SYT2: variants seen among roughly 807,000 people sequenced by gnomAD.
The protein encoded by SYT2 is synaptotagmin 2.
Under a neutral mutation model 39.9 loss-of-function variants are expected in SYT2, and 15 were observed. That is an observed-to-expected ratio of 0.38 (90% CI 0.25 to 0.58). The LOEUF (loss-of-function observed/expected upper bound fraction) is 0.58, where lower values mean the gene tolerates loss of function less well. Among genes scored for constraint, SYT2 ranks in the 20% least tolerant of loss-of-function variants. The probability of loss-of-function intolerance (pLI) is 0.70; values close to 1 mark genes in which losing one functional copy is unlikely to be tolerated. For synonymous variants in SYT2, 181 were observed against 204.5 expected (o/e 0.89, Z 0.98); for missense variants, 389 against 530.3 (o/e 0.73, Z 2.62).
At chr1:202,659,255 GT>G (rs1692336557) in intron 1 of SYT2, among the ~76,000 whole-genome samples, 1 of 152,144 alleles carries the variant, frequency 6.6e-6, no homozygotes, top group Non-Finnish European at 1.5e-5. Flanking sequence ...CTGATCTTGG[GT>G]TTCATTTTAA....
intron 1 of SYT2, among the ~76,000 whole-genome samples, chr1:202,669,095 C>G (rs928082278): frequency 6.6e-6 from 1 of 152,232 alleles, no homozygotes; most frequent in Non-Finnish European, 1.5e-5. Flanking sequence ...ATGAAAATAT[C>G]AGTGAGGCTA....
intron 1 of SYT2, among the ~76,000 whole-genome samples, chr1:202,620,997 A>T (rs553752570): frequency 9.2e-5 from 14 of 152,280 alleles, no homozygotes; most frequent in African/African-American, 3.4e-4. Context: ...AGTGAGCATG[A>T]TACCTGTGTA....
intron 1 of SYT2, among the ~76,000 whole-genome samples, chr1:202,702,998 C>T (rs935334006): frequency 6.6e-6 from 1 of 152,194 alleles, no homozygotes; most frequent in Non-Finnish European, 1.5e-5. Context: ...GAAAATGCTT[C>T]CTTTCTACAA....
chr1:202,640,432 T>C (rs1691871158), intron 1 of SYT2, among the ~76,000 whole-genome samples: 1 of 152,184 alleles, frequency 6.6e-6, no homozygotes, highest in African/African-American at 2.4e-5. Context: ...GTCCCGGCCA[T>C]GGGGTCCTGG....
Position 202,596,691 on chromosome 1 carries a change from T to G in SYT2, c.*66A>C. On this transcript the variant is annotated 3_prime_UTR_variant, in exon 9 of 9. Coordinates refer to ENST00000367268, the MANE Select transcript of SYT2 (RefSeq NM_177402.5). ...AAGAAAACCTCTAAGGTTGCATAAC[T>G]GAGGTATTGATAGCTCTGGATCTTG... 1.6e-5 allele frequency: 23 copies of G among 1,429,382 alleles called. No homozygotes were observed. Among genetic ancestry groups the G allele is most frequent in the East Asian group, 2.3e-5 (1 of 43,330 alleles). 88.5% of individuals were successfully genotyped at this position (1,429,382 alleles called of 1,614,324 possible).
intron 1 of SYT2, among the ~76,000 whole-genome samples, chr1:202,609,647 T>G (rs891851828): frequency 3.3e-5 from 5 of 152,258 alleles, no homozygotes; most frequent in Non-Finnish European, 7.3e-5. Context: ...CCAGTGATGA[T>G]GAGCATTTTT....
rs756794314 is a variant in SYT2, at chr1:202,604,511, CCTT to C, written c.286_288del (p.Lys96del). ...GCATTCTTCATGCCTTTGCCCTTCT[CCTT>C]CTTGTTCTTCTTCTTCTTGCAGCAG... On this transcript the variant is annotated inframe_deletion, in exon 3 of 9. Coordinates refer to ENST00000367268, the MANE Select transcript of SYT2 (RefSeq NM_177402.5). 1.2e-6 allele frequency: 2 copies of C among 1,614,238 alleles called. No individual in the cohort carries two copies. Among genetic ancestry groups the C allele is most frequent in the African/African-American group, 1.3e-5 (1 of 75,064 alleles).
chr1:202,601,556 C>T lies in SYT2; in HGVS notation c.801+334G>A, dbSNP rs1032652442. Among the ~76,000 whole-genome samples the T allele has an allele frequency of 6.6e-6, 1 of 152,186 alleles. No homozygotes were observed. Among genetic ancestry groups the T allele is most frequent in the Admixed American group, 6.5e-5 (1 of 15,288 alleles). ...TTGTGGGTGAACTGAGGCACAGAGG[C>T]GTGAATCACTGGCCTTAGGTAATAG... On this transcript the variant is annotated intron_variant, in intron 6 of 8. Coordinates refer to ENST00000367268, the MANE Select transcript of SYT2 (RefSeq NM_177402.5). The surrounding 1 kb of genome is among the most constrained non-coding windows in gnomAD (Gnocchi z 4.0).
chr1:202,673,327 T>G (rs1221347454), intron 1 of SYT2, among the ~76,000 whole-genome samples: 1 of 152,188 alleles, frequency 6.6e-6, no homozygotes, highest in Non-Finnish European at 1.5e-5. Flanking sequence ...AAAAGGTACG[T>G]GAAAATGGAC....
At chr1:202,600,138 T>G (rs1289337350) in intron 7 of SYT2, among the ~76,000 whole-genome samples, 1 of 152,192 alleles carries the variant, frequency 6.6e-6, no homozygotes, top group East Asian at 1.9e-4. Flanking sequence ...TAGCCCACAG[T>G]GCATGGCCAG....
chr1:202,697,932 T>C (rs1170326310), intron 1 of SYT2, among the ~76,000 whole-genome samples: 1 of 152,180 alleles, frequency 6.6e-6, no homozygotes, highest in Non-Finnish European at 1.5e-5. Flanking sequence ...TCACTATTGA[T>C]TTCTTCCTTG....
chr1:202,699,443 T>C (rs1654057766), intron 1 of SYT2, among the ~76,000 whole-genome samples: 1 of 152,212 alleles, frequency 6.6e-6, no homozygotes, highest in Admixed American at 6.5e-5. Context: ...TTCTCTGCAG[T>C]GTGCAGCATG....
At chr1:202,657,359 C>T (rs1012743181) in intron 1 of SYT2, among the ~76,000 whole-genome samples, 3 of 152,202 alleles carry the variant, frequency 2.0e-5, no homozygotes, top group East Asian at 1.9e-4. Flanking sequence ...TCTCCACCTA[C>T]GATTCTCTCT....
Position 202,599,162 on chromosome 1 carries a change from T to C in SYT2, c.1053+56A>G. 1 of 1,601,758 alleles carries C rather than the reference T, an allele frequency of 6.2e-7. No individual in the cohort carries two copies. The highest frequency in any genetic ancestry group is 8.5e-7 in the Non-Finnish European group (1 of 1,176,220). ...GAGTTCCCTCTCTTCAACCTCCCCA[T>C]ACATGTTTGCCTCCCCAAACCCTGC... On this transcript the variant is annotated intron_variant, in intron 8 of 8. Coordinates refer to ENST00000367268, the MANE Select transcript of SYT2 (RefSeq NM_177402.5). The surrounding 1 kb of genome is among the most constrained non-coding windows in gnomAD (Gnocchi z 4.4).
In SYT2 at chr1:202,642,256, G is replaced by A. The variant is rs529648779; in HGVS notation, c.-17-36467C>T. 2.3e-4 allele frequency among the ~76,000 whole-genome samples: 35 copies of A among 152,208 alleles called. No homozygotes were observed. The South Asian group carries it at 6.4e-3, about 28-fold the overall frequency. On this transcript the variant is annotated intron_variant, in intron 1 of 8. Coordinates refer to ENST00000367268, the MANE Select transcript of SYT2 (RefSeq NM_177402.5). Reference sequence around the variant, plus strand: ...GCTCCACTTTGACACCCCCTGCCCCGGAAGTGAGCACTGAACTCACTTAAG... The same window carrying A: ...GCTCCACTTTGACACCCCCTGCCCCAGAAGTGAGCACTGAACTCACTTAAG...
chr1:202,595,037 A>G lies in SYT2; in HGVS notation c.*1720T>C, dbSNP rs1451327052. ...TAGAGATGCTGCCATTTGTGCTGGGAAAGAGAGATACTCAGGCTTCTGGAG... is the reference window on the plus strand; with the variant it reads ...TAGAGATGCTGCCATTTGTGCTGGGGAAGAGAGATACTCAGGCTTCTGGAG... On this transcript the variant is annotated 3_prime_UTR_variant, in exon 9 of 9. Transcript: ENST00000367268. 1 of 152,290 alleles carries G rather than the reference A, an allele frequency of 6.6e-6. No individual in the cohort carries two copies. Among genetic ancestry groups the G allele is most frequent in the African/African-American group, 2.4e-5 (1 of 41,456 alleles). The allele number at this position is 152,290 out of a possible 1,614,324, so 9.4% of individuals were successfully genotyped here. A position where few individuals can be genotyped will look rare whatever the true frequency, so the allele number is the denominator to read the frequency against.
At chr1:202,624,229 A>G (rs1012501359) in intron 1 of SYT2, among the ~76,000 whole-genome samples, 1 of 143,342 alleles carries the variant, frequency 7.0e-6, no homozygotes, top group African/African-American at 2.8e-5. Context: ...TGTGTGCTGT[A>G]TGTGTAGTGT....
rs1478401529 is a variant in SYT2, at chr1:202,599,798, G to A, written c.920-447C>T. ...CACAGCGGGTCAGTGACAGAGCCAG[G>A]CTGGCACTGAAACGCGCTGGTTGGA... On this transcript the variant is annotated intron_variant, in intron 7 of 8. Coordinates refer to ENST00000367268, the MANE Select transcript of SYT2 (RefSeq NM_177402.5). The surrounding 1 kb of genome is among the most constrained non-coding windows in gnomAD (Gnocchi z 4.4). 6.6e-6 allele frequency among the ~76,000 whole-genome samples: 1 copy of A among 152,244 alleles called. No homozygotes were observed. The highest frequency in any genetic ancestry group is 2.4e-5 in the African/African-American group (1 of 41,468).
chr1:202,672,900 AAAAG>A (rs149329074), intron 1 of SYT2, among the ~76,000 whole-genome samples: 2 of 149,966 alleles, frequency 1.3e-5, no homozygotes, highest in African/African-American at 5.0e-5. Flanking sequence ...GCAAAAAATA[AAAAG>A]AAAGTCATGT....
Sources: gnomAD v4.1 joint callset for allele counts (sites outside exome capture counted in the v4.1 genomes callset) on GRCh38, gnomAD v4.1.1 for gene constraint, Gnocchi (gnomAD v3.1) non-coding constraint, MANE v1.5 for transcripts, NCBI Gene and HGNC (gene_info 2026-07-23, HGNC 2026-07-21) for gene names.